PSD3: variants seen among roughly 807,000 people sequenced by gnomAD.
PSD3 encodes the protein PH and SEC7 domain-containing protein 3.
A neutral mutation model predicts 105.5 loss-of-function variants in PSD3; 49 were observed. The ratio of observed to expected loss-of-function variants is 0.46; its 90% CI spans 0.37 to 0.59. PSD3 has a LOEUF of 0.59. Among genes scored for constraint, PSD3 ranks in the 20% least tolerant of loss-of-function variants. The pLI, the probability that PSD3 is intolerant of heterozygous loss-of-function variation, is 0.00. For synonymous variants in PSD3, 557 were observed against 457.8 expected, an observed-to-expected ratio of 1.22 and a Z score of -2.77; for missense variants, 1,561 against 1,263.8, an observed-to-expected ratio of 1.24 and a Z score of -3.57.
chr8:18,734,301 T>C (rs1017821720), intron 9 of PSD3: 4 of 152,222 alleles, frequency 2.6e-5, no homozygotes, highest in African/African-American at 9.6e-5. Flanking sequence ...AGTTGTACTA[T>C]AACTTTTCAA....
intron 8 of PSD3, among the ~76,000 whole-genome samples, chr8:18,779,091 T>G (rs1179381340): frequency 6.6e-6 from 1 of 152,158 alleles, no homozygotes; most frequent in Non-Finnish European, 1.5e-5. Flanking sequence ...CTCAAGCTTT[T>G]CTCTGTTAGA....
At chr8:18,958,978 C>T (rs116084846) in intron 1 of PSD3, among the ~76,000 whole-genome samples, 15,156 of 150,384 alleles carry the variant, frequency 0.1, 997 homozygotes, top group Non-Finnish European at 0.14. Flanking sequence ...TGGAGTGCAA[C>T]GGTGTGATCT....
At chr8:18,925,989 G>A (rs537942321) in intron 2 of PSD3, among the ~76,000 whole-genome samples, 23 of 152,228 alleles carry the variant, frequency 1.5e-4, no homozygotes, top group African/African-American at 3.6e-4. Context: ...AGAGGAAGAC[G>A]GAAAGCCTAC....
intron 9 of PSD3, among the ~76,000 whole-genome samples, chr8:18,700,117 A>ATTCTTTTCT (rs1801494099): frequency 6.6e-6 from 1 of 152,240 alleles, no homozygotes; most frequent in Non-Finnish European, 1.5e-5. Flanking sequence ...CAAGAATTAG[A>ATTCTTTTCT]GAAACAGAAC....
At chr8:18,951,307 A>G (rs1262676214) in intron 1 of PSD3, among the ~76,000 whole-genome samples, 4 of 152,142 alleles carry the variant, frequency 2.6e-5, no homozygotes, top group Non-Finnish European at 5.9e-5. Context: ...GGGGCTGAGC[A>G]GGGAGAATCG....
chr8:18,966,339 G>A (rs541154339), intron 1 of PSD3, among the ~76,000 whole-genome samples: 2 of 152,240 alleles, frequency 1.3e-5, no homozygotes, highest in South Asian at 2.1e-4. Context: ...GGAGGCCGAG[G>A]CAGGTGAATC....
intron 9 of PSD3, among the ~76,000 whole-genome samples, chr8:18,671,627 T>G (rs1289998691): frequency 6.7e-6 from 1 of 149,686 alleles, no homozygotes; most frequent in Non-Finnish European, 1.5e-5. Flanking sequence ...TGATTTTGTT[T>G]TTTTGTTTTT....
intron 2 of PSD3, among the ~76,000 whole-genome samples, chr8:18,896,693 G>A (rs1019873560): frequency 2.0e-5 from 3 of 151,970 alleles, no homozygotes; most frequent in Admixed American, 1.3e-4. Context: ...AATTACAGGC[G>A]TGCACCACCA....
At chr8:18,588,777 T>A (rs981271056) in intron 12 of PSD3, among the ~76,000 whole-genome samples, 1 of 152,334 alleles carries the variant, frequency 6.6e-6, no homozygotes, top group Non-Finnish European at 1.5e-5. Flanking sequence ...TCCATCTTGA[T>A]GACTCAAACT....
chr8:18,775,648 T>C (rs1807987551), intron 8 of PSD3, among the ~76,000 whole-genome samples: 1 of 152,230 alleles, frequency 6.6e-6, no homozygotes, highest in Non-Finnish European at 1.5e-5. Flanking sequence ...GAAATACCTA[T>C]TCAATCAAAA....
chr8:18,873,412 A>G (rs1287310297), intron 2 of PSD3, among the ~76,000 whole-genome samples: 3 of 152,070 alleles, frequency 2.0e-5, no homozygotes, highest in African/African-American at 7.2e-5. Flanking sequence ...TATTTTCCCA[A>G]TTGACAAAAG....
chr8:18,808,869 C>G (rs1322094858), intron 4 of PSD3: 2 of 1,596,928 alleles, frequency 1.3e-6, no homozygotes, highest in Non-Finnish European at 8.5e-7. Context: ...TCAGTGACTG[C>G]CGAGCCTCAC....
intron 7 of PSD3, among the ~76,000 whole-genome samples, chr8:18,799,756 T>C (rs1315695336): frequency 6.6e-6 from 1 of 152,154 alleles, no homozygotes; most frequent in Non-Finnish European, 1.5e-5. Flanking sequence ...GACACATTAC[T>C]GTTAGGTTAA....
chr8:18,750,861 T>C (rs1011498970), intron 9 of PSD3, among the ~76,000 whole-genome samples: 5 of 152,084 alleles, frequency 3.3e-5, no homozygotes, highest in Admixed American at 6.6e-5. Flanking sequence ...AGGGTGCTGA[T>C]TGGTGTATTT....
At chr8:19,035,498 T>A (rs1169423129) in intron 1 of PSD3, among the ~76,000 whole-genome samples, 1 of 140,516 alleles carries the variant, frequency 7.1e-6, no homozygotes, top group African/African-American at 2.5e-5. Context: ...ATCTTTGAAT[T>A]AGGAAAAGGA....
intron 1 of PSD3, among the ~76,000 whole-genome samples, chr8:19,046,555 C>A (rs1396697900): frequency 6.6e-6 from 1 of 152,180 alleles, no homozygotes; most frequent in Non-Finnish European, 1.5e-5. Context: ...AAGGGCCATG[C>A]CTATTCTTAC....
chr8:18,843,541 G>C (rs1814828048), intron 4 of PSD3, among the ~76,000 whole-genome samples: 1 of 152,098 alleles, frequency 6.6e-6, no homozygotes, highest in African/African-American at 2.4e-5. Context: ...CTGTATTCTG[G>C]GTTTATAATG....
intron 14 of PSD3, among the ~76,000 whole-genome samples, chr8:18,565,377 C>T (rs956292833): frequency 6.6e-6 from 1 of 152,268 alleles, no homozygotes; most frequent in African/African-American, 2.4e-5. Flanking sequence ...GAAAAATGTG[C>T]TCTGGCAGCA....
chr8:18,792,360 A>C (rs1586011623), intron 8 of PSD3, among the ~76,000 whole-genome samples: 1 of 152,248 alleles, frequency 6.6e-6, no homozygotes, highest in African/African-American at 2.4e-5. Flanking sequence ...GTACATATAC[A>C]CCATGGAATG....
Sources: allele counts gnomAD v4.1 joint callset (sites outside exome capture counted in the v4.1 genomes callset), GRCh38; gene constraint gnomAD v4.1.1; transcripts MANE v1.5; gene names NCBI Gene and HGNC (gene_info 2026-07-23, HGNC 2026-07-21).